Variants in GRAMD4 observed in about 807,000 individuals in gnomAD.
The protein encoded by GRAMD4 is GRAM domain-containing protein 4.
A neutral mutation model predicts 83.9 loss-of-function variants in GRAMD4; 25 were observed. That is an observed-to-expected ratio of 0.30 (90% CI 0.22 to 0.42). The LOEUF is 0.42. Among genes scored for constraint, GRAMD4 ranks in the 10% least tolerant of loss-of-function variants. The probability of loss-of-function intolerance (pLI) is 1.00; values close to 1 mark genes in which losing one functional copy is unlikely to be tolerated. For synonymous variants in GRAMD4, 336 were observed against 320.9 expected (o/e 1.05, Z -0.50); for missense variants, 593 against 788.7 (o/e 0.75, Z 2.97).
chr22:46,635,149 CT>C lies in GRAMD4; in HGVS notation c.163-2690del, dbSNP rs1247433284. ...TCCTGGGGAACCGTGTCCTCCCTGCCTCCACCCCTGGCCACTCCTGTCCTGG... is the reference window on the plus strand; with the variant it reads ...TCCTGGGGAACCGTGTCCTCCCTGCCCCACCCCTGGCCACTCCTGTCCTGG... On this transcript the variant is annotated intron_variant, in intron 2 of 18. Coordinates refer to ENST00000406902, the MANE Select transcript of GRAMD4 (RefSeq NM_015124.5). 1.1e-3 allele frequency among the ~76,000 whole-genome samples: 159 copies of C among 140,868 alleles called. 2 individuals are homozygous for C. The highest frequency in any genetic ancestry group is 4.3e-3 in the African/African-American group (149 of 35,038). The allele number at this position is 140,868 out of a possible 152,430, so 92.4% of individuals were successfully genotyped here.
chr22:46,634,405 A>G (rs539096790), intron 2 of GRAMD4, among the ~76,000 whole-genome samples: 3 of 152,214 alleles, frequency 2.0e-5, no homozygotes, highest in African/African-American at 7.2e-5. Flanking sequence ...AAGAAGAGAT[A>G]GGTGTGCATC....
intron 13 of GRAMD4, 68 bp downstream of exon 13, chr22:46,668,976 T>C (rs1304663766): frequency 3.5e-6 from 3 of 860,056 alleles, no homozygotes; most frequent in Non-Finnish European, 5.9e-6. Flanking sequence ...GCCACCAGTG[T>C]CTGCCAGGTG....
chr22:46,656,109 G>C (rs1231091041), intron 3 of GRAMD4, among the ~76,000 whole-genome samples: 1 of 152,092 alleles, frequency 6.6e-6, no homozygotes, highest in Admixed American at 6.5e-5. Flanking sequence ...GCCCTGGGGG[G>C]CTCTCGGGAG....
intron 3 of GRAMD4, among the ~76,000 whole-genome samples, chr22:46,643,008 TATCCATCCCTGGATCC>T (rs1217357273): frequency 5.5e-5 from 7 of 127,690 alleles, no homozygotes; most frequent in Non-Finnish European, 8.4e-5. Flanking sequence ...TCCATTCATT[TATCCATCCCTGGATCC>T]ATCCATCCCT....
intron 8 of GRAMD4, among the ~76,000 whole-genome samples, chr22:46,664,396 C>T (rs963227985): frequency 2.6e-5 from 4 of 152,234 alleles, no homozygotes; most frequent in African/African-American, 9.6e-5. Flanking sequence ...CCAGGGTGCC[C>T]TTGGGAAAGG....
At chr22:46,674,157 G>A (rs2082558701) in intron 15 of GRAMD4, among the ~76,000 whole-genome samples, 1 of 152,246 alleles carries the variant, frequency 6.6e-6, no homozygotes, top group Non-Finnish European at 1.5e-5. Context: ...CATCGTGTCT[G>A]GAGAAACAAG....
chr22:46,608,256 C>T (rs538901881), intron 1 of GRAMD4, among the ~76,000 whole-genome samples: 3 of 152,338 alleles, frequency 2.0e-5, no homozygotes, highest in Admixed American at 6.5e-5. Context: ...CCATCAGGGC[C>T]GCCCGTGCTC....
intron 3 of GRAMD4, among the ~76,000 whole-genome samples, chr22:46,649,335 G>C (rs1212275936): frequency 6.6e-5 from 10 of 152,170 alleles, no homozygotes; most frequent in Non-Finnish European, 1.5e-4. Flanking sequence ...GGGAGGTTGT[G>C]GGGGCGAGGG....
At chr22:46,634,345 C>T (rs2081825828) in intron 2 of GRAMD4, among the ~76,000 whole-genome samples, 1 of 152,186 alleles carries the variant, frequency 6.6e-6, no homozygotes, top group Non-Finnish European at 1.5e-5. Flanking sequence ...TGGAGAGAAA[C>T]TTCTGGAAGC....
intron 1 of GRAMD4, among the ~76,000 whole-genome samples, chr22:46,592,168 C>A (rs2147010879): frequency 6.6e-6 from 1 of 152,154 alleles, no homozygotes; most frequent in East Asian, 1.9e-4. Flanking sequence ...GGGGACAGTC[C>A]CCATAGGGTT....
At chr22:46,675,194 G>A (rs371605743) in intron 16 of GRAMD4, among the ~76,000 whole-genome samples, 5 of 152,100 alleles carry the variant, frequency 3.3e-5, no homozygotes, top group African/African-American at 4.8e-5. Context: ...AGCAGTGGCC[G>A]TGAGTGTCTC....
At chr22:46,645,405 T>G (rs1181746415) in intron 3 of GRAMD4, among the ~76,000 whole-genome samples, 2 of 152,186 alleles carry the variant, frequency 1.3e-5, no homozygotes, top group Non-Finnish European at 2.9e-5. Flanking sequence ...TCGCCTGACC[T>G]GCAGGAGGGC....
In GRAMD4 at chr22:46,577,201, C is replaced by G; in HGVS notation, c.-139C>G. On this transcript the variant is annotated 5_prime_UTR_variant, in exon 1 of 2. Transcript: ENST00000431155. ...CGGCTCCCCGGCGCCGCTGGGCTCC[C>G]GGGCGGGCGGCAGGCGTAGCGCGGC... 3 of 823,288 alleles carry G rather than the reference C, an allele frequency of 3.6e-6. No individual in the cohort carries two copies. The South Asian group carries it at 1.7e-4, about 45-fold the overall frequency. The allele number at this position is 823,288 out of a possible 1,614,324, so 51.0% of individuals were successfully genotyped here. A position where few individuals can be genotyped will look rare whatever the true frequency, so the allele number is the denominator to read the frequency against.
intron 1 of GRAMD4, among the ~76,000 whole-genome samples, chr22:46,612,573 G>A (rs1410517647): frequency 2.6e-5 from 4 of 152,242 alleles, no homozygotes; most frequent in South Asian, 2.1e-4. Flanking sequence ...GCTGGTGTAA[G>A]CCTGGACTGT....
chr22:46,666,895 G>T, intron 10 of GRAMD4, 22 bp downstream of exon 10: 1 of 1,530,356 alleles, frequency 6.5e-7, no homozygotes, highest in Non-Finnish European at 8.9e-7. Flanking sequence ...GAGGGTGCAC[G>T]GTCTCCTCCG....
chr22:46,655,722 C>T (rs936882198), intron 3 of GRAMD4, among the ~76,000 whole-genome samples: 3 of 152,206 alleles, frequency 2.0e-5, no homozygotes, highest in Non-Finnish European at 4.4e-5. Flanking sequence ...AGCCCCAGGC[C>T]GGGCTGGACC....
chr22:46,649,204 C>T (rs1335850050), intron 3 of GRAMD4, among the ~76,000 whole-genome samples: 1 of 152,132 alleles, frequency 6.6e-6, no homozygotes, highest in African/African-American at 2.4e-5. Flanking sequence ...GGGGAGTGTC[C>T]CTGATTGCCC....
chr22:46,604,600 G>C (rs1478925471), intron 1 of GRAMD4, among the ~76,000 whole-genome samples: 1 of 152,166 alleles, frequency 6.6e-6, no homozygotes, highest in Non-Finnish European at 1.5e-5. Context: ...TCCTGTCTCT[G>C]TGCATTTGAC....
At chr22:46,576,716 G>A (rs1222118054), upstream of GRAMD4, among the ~76,000 whole-genome samples, 3 of 152,096 alleles carry the variant, frequency 2.0e-5, no homozygotes, top group East Asian at 5.8e-4. Flanking sequence ...TCCACCGGCA[G>A]CCCAGTCCCT....
Sources: allele counts gnomAD v4.1 joint callset (sites outside exome capture counted in the v4.1 genomes callset), GRCh38; gene constraint gnomAD v4.1.1; transcripts MANE v1.5; gene names NCBI Gene and HGNC (gene_info 2026-07-23, HGNC 2026-07-21).